The following ARFGEF1 variants were observed in gnomAD, a reference collection of about 807,000 sequenced individuals.
ARFGEF1 encodes the protein ARF guanine nucleotide exchange factor 1, also known as brefeldin A-inhibited guanine nucleotide-exchange protein 1.
Under a neutral mutation model 231.0 loss-of-function variants are expected in ARFGEF1, and 42 were observed. The observed-to-expected ratio is 0.18, with a 90% CI of 0.14 to 0.24. ARFGEF1 has a LOEUF of 0.24. Ranked by LOEUF, ARFGEF1 falls within the 10% of genes least tolerant of loss-of-function variation. The pLI, the probability that ARFGEF1 is intolerant of heterozygous loss-of-function variation, is 1.00. For missense variants in ARFGEF1, 1,345 were observed against 2,192.0 expected (o/e 0.61, Z 7.72); for synonymous variants, 710 against 732.3 (o/e 0.97, Z 0.49).
At chr8:67,194,989 AG>A (rs1416876322), downstream of ARFGEF1, among the ~76,000 whole-genome samples, 1 of 151,660 alleles carries the variant, frequency 6.6e-6, no homozygotes, top group Non-Finnish European at 1.5e-5. Flanking sequence ...AAAAATAAAA[AG>A]AAAAAAGAAA....
chr8:67,338,602 T>G (rs1808455549), intron 1 of ARFGEF1, among the ~76,000 whole-genome samples: 2 of 152,250 alleles, frequency 1.3e-5, no homozygotes, highest in African/African-American at 2.4e-5. Flanking sequence ...AGAGCTTCTC[T>G]AAGAACTTGT....
chr8:67,312,625 A>T (rs182636149), intron 1 of ARFGEF1, among the ~76,000 whole-genome samples: 48 of 152,362 alleles, frequency 3.2e-4, no homozygotes, highest in Admixed American at 5.9e-4. Context: ...AAACACCGTG[A>T]AGAATGGGAA....
chr8:67,239,267 A>G (rs779216019), intron 20 of ARFGEF1, among the ~76,000 whole-genome samples: 1 of 151,864 alleles, frequency 6.6e-6, no homozygotes, highest in Non-Finnish European at 1.5e-5. Context: ...CGACCTCCCA[A>G]AGTGCTGGGA....
rs769276165 is a variant in ARFGEF1, at chr8:67,198,277, C to T, written c.*657G>A. 1.3e-5 allele frequency: 13 copies of T among 985,428 alleles called. No homozygotes were observed. The highest frequency in any genetic ancestry group is 1.6e-5 in the Non-Finnish European group (13 of 829,760). The allele number at this position is 985,428 out of a possible 1,614,324, so 61.0% of individuals were successfully genotyped here. On this transcript the variant is annotated 3_prime_UTR_variant, in exon 39 of 39. Transcript: ENST00000262215. ...TATAAAATAAAAAAGAAAGTTCCAC[C>T]CAAATGTTTAGTGCATTTGACAAAA...
Position 67,257,756 on chromosome 8 carries a change from C to T in ARFGEF1, c.2502G>A (p.Leu834=). 1 of 1,609,576 alleles carries T rather than the reference C, an allele frequency of 6.2e-7. No individual in the cohort carries two copies. The highest frequency in any genetic ancestry group is 8.5e-7 in the Non-Finnish European group (1 of 1,178,578). ...CCTGTGGACTGTGAAGGTCTGTGGT[C>T]AACATGATAATTGAATAAGCCAAAA... ...AYVLAYSIIM[L]TTDLHSPQVK... is the part of the protein sequence containing the mutation. Residue 834 remains leucine, a synonymous_variant, in exon 17 of 39, where the codon TTG becomes TTA. Transcript: ENST00000262215.
chr8:67,253,371 C>T (rs1398787244), intron 18 of ARFGEF1, 80 bp downstream of exon 18: 4 of 1,065,104 alleles, frequency 3.8e-6, no homozygotes, highest in African/African-American at 1.6e-5. Context: ...AACCACCACA[C>T]CTGACCATAA....
chr8:67,236,377 T>TATATAC (rs1563855727), intron 22 of ARFGEF1, among the ~76,000 whole-genome samples: 1 of 36,720 alleles, frequency 2.7e-5, no homozygotes, highest in Non-Finnish European at 4.6e-5. Flanking sequence ...TATATATATA[T>TATATAC]ATATATATAT....
intron 17 of ARFGEF1, among the ~76,000 whole-genome samples, chr8:67,254,344 T>C (rs1250670473): frequency 6.6e-6 from 1 of 152,226 alleles, no homozygotes; most frequent in Non-Finnish European, 1.5e-5. Flanking sequence ...TTATGTGATG[T>C]CTCTGAAGAG....
downstream of ARFGEF1, chr8:67,195,808 C>T (rs2129576745): frequency 3.9e-6 from 2 of 507,656 alleles, no homozygotes; most frequent in Admixed American, 3.4e-5. Flanking sequence ...TATTTTTGCA[C>T]AGTTTTGTCA....
Position 67,267,490 on chromosome 8 carries a change from A to G in ARFGEF1, c.1573-48T>C, listed in dbSNP as rs544305655. ...GTTTAAAATATTGTTTAGAATTCAT[A>G]TGTGTGATCACTTTTTAAACATCCC... On this transcript the variant is annotated intron_variant, in intron 10 of 38. Transcript: ENST00000262215. The G allele has an allele frequency of 1.0e-4, 124 of 1,238,130 alleles. No homozygotes were observed. The South Asian group carries it at 1.5e-3, about 15-fold the overall frequency. 76.7% of individuals were successfully genotyped at this position (1,238,130 alleles called of 1,614,324 possible).
At chr8:67,204,471 G>C (rs1316799634) in intron 35 of ARFGEF1, among the ~76,000 whole-genome samples, 1 of 152,192 alleles carries the variant, frequency 6.6e-6, no homozygotes, top group Non-Finnish European at 1.5e-5. Flanking sequence ...AGCTGTAGAG[G>C]ATGAGGTCCC....
Position 67,291,875 on chromosome 8 carries a change from A to C in ARFGEF1, c.888T>G (p.Thr296=), listed in dbSNP as rs151194871. The C allele has an allele frequency of 6.2e-7, 1 of 1,613,862 alleles. No homozygotes were observed. The highest frequency in any genetic ancestry group is 8.5e-7 in the Non-Finnish European group (1 of 1,179,832). ...SDISSAENEQ[T]EADQATAAET... ...CAGCTGCAGTTGCCTGATCAGCTTC[A>C]GTCTGTTCATTTTCTGCACTGGAAA... is the stretch of plus-strand genomic sequence containing the variant. Residue 296 remains threonine, a synonymous_variant, in exon 6 of 39, where the codon ACT becomes ACG. Coordinates refer to ENST00000262215, the MANE Select transcript of ARFGEF1 (RefSeq NM_006421.5).
At chr8:67,274,023 C>G (rs986876304) in intron 9 of ARFGEF1, among the ~76,000 whole-genome samples, 3 of 151,984 alleles carry the variant, frequency 2.0e-5, no homozygotes, top group Non-Finnish European at 4.4e-5. Flanking sequence ...ACTGTACATG[C>G]TAAAAAAAAT....
chr8:67,323,034 C>T (rs576920531), intron 1 of ARFGEF1, among the ~76,000 whole-genome samples: 1 of 152,098 alleles, frequency 6.6e-6, no homozygotes, highest in South Asian at 2.1e-4. Flanking sequence ...GGTGGATAAC[C>T]TGAGGTCAAG....
chr8:67,231,654 G>A (rs772216460), intron 23 of ARFGEF1, among the ~76,000 whole-genome samples: 7 of 152,166 alleles, frequency 4.6e-5, no homozygotes, highest in South Asian at 2.1e-4. Flanking sequence ...AAGCTAGCCC[G>A]GTAGCAGAAG....
chr8:67,339,751 G>C (rs1451044741), intron 1 of ARFGEF1, among the ~76,000 whole-genome samples: 3 of 112,600 alleles, frequency 2.7e-5, no homozygotes, highest in African/African-American at 1.1e-4. Context: ...CTGTTCCTGG[G>C]CCTGTGGGCT....
chr8:67,212,334 C>A (rs1233576650), intron 33 of ARFGEF1, among the ~76,000 whole-genome samples: 1 of 152,192 alleles, frequency 6.6e-6, no homozygotes, highest in Non-Finnish European at 1.5e-5. Context: ...CTGCCTGCCT[C>A]GGCCTCCCAA....
In ARFGEF1 at chr8:67,278,917, T is replaced by C. The variant is rs1014538239; in HGVS notation, c.1028-1460A>G. Among the ~76,000 whole-genome samples, 6 of 152,308 alleles carry C rather than the reference T, an allele frequency of 3.9e-5. No individual in the cohort carries two copies. In the East Asian group the frequency reaches 9.6e-4, roughly 24 times the overall value. Reference sequence around the variant, plus strand: ...TAAGAGGACTTTTGGAGCTTCAATATGCTAATGTTTGATGTGCTAAATACC... The same window carrying C: ...TAAGAGGACTTTTGGAGCTTCAATACGCTAATGTTTGATGTGCTAAATACC... On this transcript the variant is annotated intron_variant, in intron 7 of 38. Coordinates refer to ENST00000262215, the MANE Select transcript of ARFGEF1 (RefSeq NM_006421.5).
intron 1 of ARFGEF1, among the ~76,000 whole-genome samples, chr8:67,338,031 T>A (rs1462271134): frequency 1.3e-5 from 2 of 152,246 alleles, no homozygotes; most frequent in African/African-American, 4.8e-5. Context: ...GTGAGGAATA[T>A]TATGACAAAT....
Sources: allele counts gnomAD v4.1 joint callset (sites outside exome capture counted in the v4.1 genomes callset), GRCh38; gene constraint gnomAD v4.1.1; transcripts MANE v1.5; gene names NCBI Gene and HGNC (gene_info 2026-07-23, HGNC 2026-07-21).